The following ZC3H7A variants were observed in gnomAD, a reference collection of about 807,000 sequenced individuals.
ZC3H7A encodes the protein zinc finger CCCH-type containing 7A.
Under a neutral mutation model 125.5 loss-of-function variants are expected in ZC3H7A, and 44 were observed. The observed-to-expected ratio is 0.35, with a 90% CI of 0.28 to 0.45. The LOEUF (loss-of-function observed/expected upper bound fraction) is 0.45, where lower values mean the gene tolerates loss of function less well. Ranked by LOEUF, ZC3H7A falls within the 20% of genes least tolerant of loss-of-function variation. The pLI is 1.00. For synonymous variants in ZC3H7A, 399 were observed against 391.2 expected (o/e 1.02, Z -0.23); for missense variants, 977 against 1,170.7 (o/e 0.83, Z 2.41).
intron 1 of ZC3H7A, among the ~76,000 whole-genome samples, chr16:11,783,664 TAA>T (rs910952955): frequency 6.6e-6 from 1 of 152,244 alleles, no homozygotes; most frequent in African/African-American, 2.4e-5. Flanking sequence ...ATCTTACACA[TAA>T]ACCACGTATT....
Position 11,789,835 on chromosome 16 carries a change from C to A in ZC3H7A, c.-35+7289G>T, listed in dbSNP as rs527702756. Among the ~76,000 whole-genome samples, 5 of 152,042 alleles carry A rather than the reference C, an allele frequency of 3.3e-5. No individual in the cohort carries two copies. The East Asian group carries it at 5.8e-4, about 18-fold the overall frequency. ...GTGGCTCACACCTGTAATCCCAGCA[C>A]TTTGGGAGGCCGAGGCAGGCAGATC... On this transcript the variant is annotated intron_variant, in intron 1 of 22. Transcript: ENST00000355758.
At position 11,761,909 on chromosome 16, in the gene ZC3H7A, C is replaced by T. The variant is rs2052759045; in HGVS notation, c.2213+1G>A. ...GAATTGTTTCCACACACAATACTTA[C>T]GAATGCCTTGCTTTTGCACTACAAT... On this transcript the variant is annotated splice_donor_variant, in intron 18 of 22. Coordinates refer to ENST00000355758, the MANE Select transcript of ZC3H7A (RefSeq NM_014153.4). LOFTEE classifies it high-confidence loss of function. 1.9e-6 allele frequency: 3 copies of T among 1,611,776 alleles called. No homozygotes were observed. Among genetic ancestry groups the T allele is most frequent in the Non-Finnish European group, 8.5e-7 (1 of 1,179,506 alleles).
intron 7 of ZC3H7A, 144 bp downstream of exon 7, chr16:11,776,176 G>A: frequency 2.7e-6 from 2 of 736,654 alleles, no homozygotes; most frequent in South Asian, 1.9e-5. Context: ...AATAAATAAA[G>A]TGACAGGAGG....
At position 11,752,726 on chromosome 16, in the gene ZC3H7A, T is replaced by A. The variant is rs1224803639; in HGVS notation, c.2669A>T (p.Asp890Val). The A allele has an allele frequency of 6.2e-7, 1 of 1,614,106 alleles. No homozygotes were observed. The highest frequency in any genetic ancestry group is 1.7e-5 in the Admixed American group (1 of 60,014). The change falls in exon 22 of 23, where the codon GAC becomes GTC. Residue 890 changes from aspartate (D) to valine (V), a missense_variant. By Grantham distance (152) the Asp-to-Val change is radical. This residue lies in a region of ZC3H7A where 436 missense variants were observed against 603.2 expected (regional missense o/e 0.72). Coordinates refer to ENST00000355758, the MANE Select transcript of ZC3H7A (RefSeq NM_014153.4). ...KHKEKVFHTE[D>V]DQYCWQHRFP... ...GCGGTGCTGCCAGCAGTACTGGTCG[T>A]CCTCGGTGTGGAAAACCTTCTCTTT...
chr16:11,776,584 A>C, intron 5 of ZC3H7A, 52 bp from the exon 6 acceptor site: 1 of 1,537,980 alleles, frequency 6.5e-7, no homozygotes. Flanking sequence ...CTAATGGTGA[A>C]GAAGAATAGA....
At chr16:11,793,693 C>G (rs1337392537) in intron 1 of ZC3H7A, among the ~76,000 whole-genome samples, 2 of 152,168 alleles carry the variant, frequency 1.3e-5, no homozygotes, top group South Asian at 2.1e-4. Context: ...AGTATATTAA[C>G]TGGCTCTTGC....
At chr16:11,796,345 G>C (rs1263920253) in intron 1 of ZC3H7A, 1 of 152,270 alleles carries the variant, frequency 6.6e-6, no homozygotes, top group Admixed American at 6.5e-5. Flanking sequence ...CGGGGGGTCA[G>C]TGGCCACCGT....
At chr16:11,764,256 T>C (rs2052813875) in intron 15 of ZC3H7A, among the ~76,000 whole-genome samples, 1 of 151,814 alleles carries the variant, frequency 6.6e-6, no homozygotes. Context: ...CTACTAAAAA[T>C]ACAAAAAATT....
chr16:11,760,122 G>GAAAAAA (rs66812605), intron 19 of ZC3H7A, among the ~76,000 whole-genome samples: 206 of 82,512 alleles, frequency 2.5e-3, no homozygotes, highest in South Asian at 3.7e-3. Flanking sequence ...AAGAAAAAAT[G>GAAAAAA]AAAAAAAAAA....
intron 1 of ZC3H7A, 44 bp downstream of exon 1, chr16:11,797,080 C>CGCGG (rs1187893022): frequency 2.2e-5 from 3 of 137,468 alleles, no homozygotes; most frequent in African/African-American, 9.3e-5. Flanking sequence ...GGGGCGCGGG[C>CGCGG]GCGCGCGTTT....
At chr16:11,758,304 G>A in intron 20 of ZC3H7A, 127 bp downstream of exon 20, 1 of 717,954 alleles carries the variant, frequency 1.4e-6, no homozygotes, top group Non-Finnish European at 2.4e-6. Context: ...CAGAGCTACT[G>A]ATGAAACGGG....
Position 11,751,219 on chromosome 16 carries a change from A to T in ZC3H7A, c.*98T>A, listed in dbSNP as rs2052548125. Reference sequence around the variant, plus strand: ...CAGGAGGAACGATATACGCCAATACAAGCAGGAAATCTGCAGCTCCTCTGC... The same window carrying T: ...CAGGAGGAACGATATACGCCAATACTAGCAGGAAATCTGCAGCTCCTCTGC... On this transcript the variant is annotated 3_prime_UTR_variant, in exon 23 of 23. Transcript: ENST00000355758. The T allele has an allele frequency of 3.7e-5, 48 of 1,301,686 alleles. No individual in the cohort carries two copies. Among genetic ancestry groups the T allele is most frequent in the Non-Finnish European group, 5.0e-5 (48 of 963,272 alleles). The allele number at this position is 1,301,686 out of a possible 1,614,324, so 80.6% of individuals were successfully genotyped here. A position where few individuals can be genotyped will look rare whatever the true frequency, so the allele number is the denominator to read the frequency against.
chr16:11,788,891 C>A (rs903012330), intron 1 of ZC3H7A, among the ~76,000 whole-genome samples: 1 of 152,102 alleles, frequency 6.6e-6, no homozygotes, highest in Non-Finnish European at 1.5e-5. Flanking sequence ...GGATTACAGG[C>A]GTGAGCCACC....
Position 11,765,208 on chromosome 16 carries a change from C to G in ZC3H7A, c.1720-55G>C. The G allele has an allele frequency of 1.8e-6, 2 of 1,131,366 alleles. No homozygotes were observed. The highest frequency in any genetic ancestry group is 1.6e-5 in the South Asian group (1 of 63,084). The allele number at this position is 1,131,366 out of a possible 1,614,324, so 70.1% of individuals were successfully genotyped here. A position where few individuals can be genotyped will look rare whatever the true frequency, so the allele number is the denominator to read the frequency against. Reference sequence around the variant, plus strand: ...AAAATACAAAATATAAATTTTGTACCCAGAATATTGTCCTAGTTTCAATAT... The same window carrying G: ...AAAATACAAAATATAAATTTTGTACGCAGAATATTGTCCTAGTTTCAATAT... On this transcript the variant is annotated intron_variant, in intron 14 of 22. Transcript: ENST00000355758. This position sits in a 1 kb window ranked among gnomAD's most constrained non-coding sequence, Gnocchi z 4.8.
chr16:11,788,480 A>G (rs1186982887), intron 1 of ZC3H7A, among the ~76,000 whole-genome samples: 1 of 152,132 alleles, frequency 6.6e-6, no homozygotes, highest in East Asian at 1.9e-4. Context: ...GACAGTGAAA[A>G]GGAATGTCTC....
chr16:11,758,008 T>G (rs1363052658), intron 20 of ZC3H7A, among the ~76,000 whole-genome samples: 3 of 152,222 alleles, frequency 2.0e-5, no homozygotes, highest in Non-Finnish European at 4.4e-5. Flanking sequence ...CTTGGACCTC[T>G]GATTCTGAGC....
rs1162040412 is a variant in ZC3H7A, at chr16:11,776,880, G to A, written c.336C>T (p.Cys112=). Residue 112 remains cysteine (C), a synonymous_variant, in exon 5 of 23, where the codon TGC becomes TGT. Transcript: ENST00000355758. The stretch of plus-strand genomic sequence containing the variant: ...TGGCATTTAAACTGAGGACTATATT[G>A]CAGTCCTCCAAAACTTTATCATGGA... The part of the protein sequence containing the change: ...MGFHDKVLED[C]NIVLSLNASN... 1.9e-6 allele frequency: 3 copies of A among 1,606,320 alleles called. No individual in the cohort carries two copies. The highest frequency in any genetic ancestry group is 2.7e-5 in the African/African-American group (2 of 74,440).
intron 1 of ZC3H7A, among the ~76,000 whole-genome samples, chr16:11,787,766 T>C (rs914760754): frequency 1.1e-4 from 17 of 152,142 alleles, no homozygotes; most frequent in African/African-American, 3.9e-4. Context: ...GCCAACGTGG[T>C]GAAACCCCGT....
intron 1 of ZC3H7A, among the ~76,000 whole-genome samples, chr16:11,790,082 A>G (rs986246466): frequency 1.6e-5 from 2 of 123,214 alleles, no homozygotes; most frequent in African/African-American, 7.0e-5. Context: ...TCCATCTCAA[A>G]AAAAAAAAAA....
Sources: gnomAD v4.1 joint callset for allele counts (sites outside exome capture counted in the v4.1 genomes callset) on GRCh38, gnomAD v4.1.1 for gene constraint, gnomAD v4.1.1 regional missense constraint, Gnocchi (gnomAD v3.1) non-coding constraint, MANE v1.5 for transcripts, NCBI Gene and HGNC (gene_info 2026-07-23, HGNC 2026-07-21) for gene names.